The following EEF1AKMT2 variants were observed in gnomAD, a reference collection of about 807,000 sequenced individuals.
EEF1AKMT2 encodes eukaryotic translation elongation factor 1 alpha lysine methyltransferase 2.
EEF1AKMT2 carries 32 observed loss-of-function variants against 35.8 expected under a neutral mutation model. The ratio of observed to expected loss-of-function variants is 0.89; its 90% CI spans 0.67 to 1.20. The LOEUF is 1.20. Ranked by LOEUF, EEF1AKMT2 falls within the 50% of genes most tolerant of loss-of-function variation. EEF1AKMT2 has a pLI of 0.00. For missense variants in EEF1AKMT2, 330 were observed against 347.5 expected (o/e 0.95, Z 0.40); for synonymous variants, 121 against 133.7 (o/e 0.91, Z 0.65).
downstream of EEF1AKMT2, among the ~76,000 whole-genome samples, chr10:124,757,275 C>T (rs1482705654): frequency 1.3e-5 from 2 of 151,414 alleles, no homozygotes; most frequent in African/African-American, 2.4e-5. Flanking sequence ...GAGGGCTGTC[C>T]AGGAGCACAT....
In EEF1AKMT2 at chr10:124,762,457, T is replaced by G. The variant is rs1226010851; in HGVS notation, c.718A>C (p.Thr240Pro). 1 of 1,300,600 alleles carries G rather than the reference T, an allele frequency of 7.7e-7. No individual in the cohort carries two copies. Among genetic ancestry groups the G allele is most frequent in the African/African-American group, 1.5e-5 (1 of 65,782 alleles). The allele number at this position is 1,300,600 out of a possible 1,614,324, so 80.6% of individuals were successfully genotyped here. The change falls in exon 6 of 7, where the codon ACA (threonine) becomes CCA (proline). Residue 240 changes from threonine (T) to proline (P), a missense_variant. Thr to Pro is a conservative substitution (Grantham distance 38, BLOSUM62 -1). Coordinates refer to ENST00000368836, the MANE Select transcript of EEF1AKMT2 (RefSeq NM_212554.4). ...AAAATTATCCAGGCATGATGATGTG[T>G]GCCTGTAGTTCCACCTACTCGGGAG... ...SASRVGGTTG[T>P]HHHAWIIFVF...
Position 124,766,713 on chromosome 10 carries a change from C to T in EEF1AKMT2, c.400-1105G>A, listed in dbSNP as rs371716108. 1.2e-4 allele frequency among the ~76,000 whole-genome samples: 18 copies of T among 152,256 alleles called. 1 individual carries two copies. In the South Asian group the frequency reaches 3.7e-3, roughly 32 times the overall value. On this transcript the variant is annotated intron_variant, in intron 4 of 6. Transcript: ENST00000368836. ...TCCCTTCCTTCATGTCCAAAGTATT[C>T]ATTATACCTGAAGCAAAATAATGAC...
At chr10:124,769,073 T>C (rs1316529102) in intron 4 of EEF1AKMT2, among the ~76,000 whole-genome samples, 1 of 146,382 alleles carries the variant, frequency 6.8e-6, no homozygotes, top group African/African-American at 2.5e-5. Flanking sequence ...TACAAAAAAA[T>C]TAGGTGTGGT....
intron 3 of EEF1AKMT2, chr10:124,783,083 C>A: frequency 4.4e-6 from 1 of 225,714 alleles, no homozygotes; most frequent in Admixed American, 5.1e-5. Context: ...ACTAGGATGG[C>A]TATAATTTAA....
At chr10:124,781,317 G>A (rs1311618905) in intron 3 of EEF1AKMT2, among the ~76,000 whole-genome samples, 2 of 151,646 alleles carry the variant, frequency 1.3e-5, no homozygotes, top group East Asian at 3.9e-4. Context: ...GGTGGCTCAC[G>A]CCTGTTATCC....
intron 6 of EEF1AKMT2, 77 bp from the exon 7 acceptor site, chr10:124,760,580 C>A (rs565308476): frequency 2.8e-6 from 3 of 1,082,136 alleles, no homozygotes; most frequent in Non-Finnish European, 2.8e-6. Context: ...TGCATTAACA[C>A]TGTACCATTG....
chr10:124,786,205 ACTTCAAT>A (rs1260274769), intron 3 of EEF1AKMT2, among the ~76,000 whole-genome samples: 6 of 151,794 alleles, frequency 4.0e-5, no homozygotes, highest in African/African-American at 1.5e-4. Flanking sequence ...CATAAACTAC[ACTTCAAT>A]TAAGAATTTC....
At chr10:124,756,390 A>G (rs1950287451), downstream of EEF1AKMT2, among the ~76,000 whole-genome samples, 2 of 152,214 alleles carry the variant, frequency 1.3e-5, no homozygotes, top group Middle Eastern at 3.2e-3. Flanking sequence ...GCCAGCCTAT[A>G]CATTTCAGTT....
At chr10:124,791,058 C>T (rs1244380694) in intron 1 of EEF1AKMT2, among the ~76,000 whole-genome samples, 3 of 152,112 alleles carry the variant, frequency 2.0e-5, no homozygotes, top group Admixed American at 6.6e-5. Context: ...CCACCACGCA[C>T]CCGGCCCTCT....
At chr10:124,767,088 G>C (rs995929153) in intron 4 of EEF1AKMT2, among the ~76,000 whole-genome samples, 1 of 147,318 alleles carries the variant, frequency 6.8e-6, no homozygotes, top group Non-Finnish European at 1.5e-5. Flanking sequence ...GTGAACCCGG[G>C]AGGCAGAGCT....
Position 124,758,437 on chromosome 10 carries a change from A to C in EEF1AKMT2, c.*2066T>G, listed in dbSNP as rs923026197. On this transcript the variant is annotated 3_prime_UTR_variant, in exon 7 of 7. Coordinates refer to ENST00000368836, the MANE Select transcript of EEF1AKMT2 (RefSeq NM_212554.4). ...TTTAGTCCCTAAGAAGCTAGCTTCC[A>C]GCAGGATTAGAGTAATAAGAAGAGA... 5 of 151,986 alleles carry C rather than the reference A, an allele frequency of 3.3e-5. No individual in the cohort carries two copies. Among genetic ancestry groups the C allele is most frequent in the African/African-American group, 4.8e-5 (2 of 41,374 alleles). 9.4% of individuals were successfully genotyped at this position (151,986 alleles called of 1,614,324 possible). A position where few individuals can be genotyped will look rare whatever the true frequency, so the allele number is the denominator to read the frequency against.
chr10:124,779,542 C>G (rs543211208), intron 3 of EEF1AKMT2, among the ~76,000 whole-genome samples: 2 of 151,116 alleles, frequency 1.3e-5, no homozygotes, highest in South Asian at 4.2e-4. Context: ...GTCAGGAGAT[C>G]GAGACCATCC....
At chr10:124,785,895 C>CA (rs34637624) in intron 3 of EEF1AKMT2, among the ~76,000 whole-genome samples, 13,524 of 59,032 alleles carry the variant, frequency 0.23, 2,409 homozygotes, top group Non-Finnish European at 0.28. Context: ...GACTCTGTCT[C>CA]AAAAAAAAAA....
intron 4 of EEF1AKMT2, among the ~76,000 whole-genome samples, chr10:124,772,841 T>C (rs1008620314): frequency 1.1e-4 from 16 of 152,228 alleles, no homozygotes; most frequent in African/African-American, 3.6e-4. Context: ...GTCAAGGCCT[T>C]GCTCTGGATT....
intron 3 of EEF1AKMT2, among the ~76,000 whole-genome samples, chr10:124,785,895 CAAAAAAAAAAA>C (rs34637624): frequency 5.0e-5 from 3 of 59,464 alleles, no homozygotes; most frequent in South Asian, 9.0e-4. Flanking sequence ...GACTCTGTCT[CAAAAAAAAAAA>C]AAAAAAAAAA....
At chr10:124,781,508 A>C (rs1367506926) in intron 3 of EEF1AKMT2, among the ~76,000 whole-genome samples, 2 of 149,994 alleles carry the variant, frequency 1.3e-5, no homozygotes, top group Non-Finnish European at 3.0e-5. Flanking sequence ...GCTTGAACCC[A>C]GGAGGCGAAG....
chr10:124,784,986 C>A (rs531138693), intron 3 of EEF1AKMT2, among the ~76,000 whole-genome samples: 1 of 150,538 alleles, frequency 6.6e-6, no homozygotes, highest in Non-Finnish European at 1.5e-5. Context: ...CGGTGGCTCA[C>A]CCCTGCACCC....
intron 3 of EEF1AKMT2, among the ~76,000 whole-genome samples, chr10:124,787,367 A>G (rs1358300231): frequency 7.4e-6 from 1 of 134,292 alleles, no homozygotes; most frequent in Non-Finnish European, 1.5e-5. Context: ...CAGGTGGTGA[A>G]GGTTGCAGTG....
rs1304093092 is a variant in EEF1AKMT2, at chr10:124,790,402, T to C, written c.111-64A>G. 27 of 1,153,148 alleles carry C rather than the reference T, an allele frequency of 2.3e-5. No homozygotes were observed. In the South Asian group the frequency reaches 2.6e-4, roughly 11 times the overall value. 71.4% of individuals were successfully genotyped at this position (1,153,148 alleles called of 1,614,324 possible). On this transcript the variant is annotated intron_variant, in intron 1 of 6. Transcript: ENST00000368836. ...TAAACTGTATTATGAATTAAATGTATGTTTCTAATACATTACAGAGCTATT... is the reference window on the plus strand; with the variant it reads ...TAAACTGTATTATGAATTAAATGTACGTTTCTAATACATTACAGAGCTATT...
Sources: gnomAD v4.1 joint callset for allele counts (sites outside exome capture counted in the v4.1 genomes callset) on GRCh38, gnomAD v4.1.1 for gene constraint, MANE v1.5 for transcripts, NCBI Gene and HGNC (gene_info 2026-07-23, HGNC 2026-07-21) for gene names.